The following VPS52 variants were observed in gnomAD, a reference collection of about 807,000 sequenced individuals.
VPS52 encodes the protein vacuolar protein sorting-associated protein 52 homolog.
VPS52 carries 56 observed loss-of-function variants against 98.7 expected under a neutral mutation model. The observed-to-expected ratio is 0.57, with a 90% CI of 0.46 to 0.71. VPS52 has a LOEUF of 0.71. Ranked by LOEUF, VPS52 falls within the 30% of genes least tolerant of loss-of-function variation. The probability of loss-of-function intolerance (pLI) is 0.00; values close to 1 mark genes in which losing one functional copy is unlikely to be tolerated. For synonymous variants in VPS52, 348 were observed against 346.4 expected (o/e 1.00, Z -0.05); for missense variants, 742 against 925.9 (o/e 0.80, Z 2.58).
chr6:33,267,038 G>T lies in VPS52; in HGVS notation c.1125+150C>A. ...GGTTCCCAGCTCTTTTCACATCACAGCAGGCTGGAGTGATTGGAGAAGGCC... is the reference window on the plus strand; with the variant it reads ...GGTTCCCAGCTCTTTTCACATCACATCAGGCTGGAGTGATTGGAGAAGGCC... On this transcript the variant is annotated intron_variant, in intron 11 of 19. Transcript: ENST00000445902. The surrounding 1 kb of genome is among the most constrained non-coding windows in gnomAD (Gnocchi z 4.2). 1 of 1,143,794 alleles carries T rather than the reference G, an allele frequency of 8.7e-7. No homozygotes were observed. Among genetic ancestry groups the T allele is most frequent in the Non-Finnish European group, 1.2e-6 (1 of 846,826 alleles). The allele number at this position is 1,143,794 out of a possible 1,614,324, so 70.9% of individuals were successfully genotyped here. A position where few individuals can be genotyped will look rare whatever the true frequency, so the allele number is the denominator to read the frequency against.
At position 33,271,726 on chromosome 6, in the gene VPS52, C is replaced by T. The variant is rs773886797; in HGVS notation, c.-51G>A. The T allele has an allele frequency of 2.6e-6, 4 of 1,557,320 alleles. No individual in the cohort carries two copies. Among genetic ancestry groups the T allele is most frequent in the Non-Finnish European group, 3.5e-6 (4 of 1,149,874 alleles). On this transcript the variant is annotated 5_prime_UTR_variant, in exon 1 of 20. Transcript: ENST00000445902. The stretch of plus-strand genomic sequence containing the variant: ...TGTCAGTCCCGGCGAGTCCGTTCCC[C>T]GGAGTGGAGCTACAAGTCCCAAAGG...
intron 1 of VPS52, among the ~76,000 whole-genome samples, 153 bp from the exon 2 acceptor site, chr6:33,270,436 C>T (rs936264364): frequency 1.3e-5 from 2 of 152,178 alleles, no homozygotes; most frequent in African/African-American, 4.8e-5. Flanking sequence ...TCACGTTGTA[C>T]CCACTCTCCT....
Position 33,264,678 on chromosome 6 carries a change from A to G in VPS52, c.1400+104T>C, listed in dbSNP as rs562799685. 57 of 1,409,086 alleles carry G rather than the reference A, an allele frequency of 4.0e-5. No homozygotes were observed. The South Asian group carries it at 5.8e-4, about 14-fold the overall frequency. 87.3% of individuals were successfully genotyped at this position (1,409,086 alleles called of 1,614,324 possible). A position where few individuals can be genotyped will look rare whatever the true frequency, so the allele number is the denominator to read the frequency against. On this transcript the variant is annotated intron_variant, in intron 13 of 19. Transcript: ENST00000445902. ...CTCCGGAGCAAATGAATGGGAATAA[A>G]GGTTGATGATACCAGGTCAGTAGGA...
intron 12 of VPS52, among the ~76,000 whole-genome samples, chr6:33,266,011 C>T (rs1029048757): frequency 3.9e-5 from 6 of 151,946 alleles, no homozygotes; most frequent in Non-Finnish European, 7.4e-5. Flanking sequence ...GGATTACAGG[C>T]CGCGCACACC....
chr6:33,271,590 G>C lies in VPS52; in HGVS notation c.86C>G (p.Pro29Arg). Residue 29 changes from proline (P) to arginine (R), a missense_variant, in exon 1 of 20, where the codon CCG (proline) becomes CGG (arginine). Around this residue, in one of 2 missense-constraint regions of VPS52, gnomAD observed 152 missense variants for 132.6 expected, o/e 1.15. Coordinates refer to ENST00000445902, the MANE Select transcript of VPS52 (RefSeq NM_022553.6). The part of the protein sequence containing the change: ...GTSDMEEEEG[P>R]LAGGPGLQEP... ...GAAACAGCTCCGCGCTCTCACCAGC[G>C]GGCCCTCTTCCTCCTCCATATCTGA... 1 of 1,605,496 alleles carries C rather than the reference G, an allele frequency of 6.2e-7. No homozygotes were observed.
At chr6:33,259,208 C>A (rs2150816547) in intron 17 of VPS52, among the ~76,000 whole-genome samples, 1 of 152,286 alleles carries the variant, frequency 6.6e-6, no homozygotes, top group South Asian at 2.1e-4. Context: ...ACATTGTGGA[C>A]TTCCTGAGTA....
chr6:33,258,425 C>T (rs1482408631), intron 17 of VPS52, among the ~76,000 whole-genome samples: 1 of 138,042 alleles, frequency 7.2e-6, no homozygotes, highest in African/African-American at 2.7e-5. Context: ...TTCTTGAGCC[C>T]AGGAGCCTGG....
At chr6:33,252,605 A>C (rs1374465988) in intron 17 of VPS52, among the ~76,000 whole-genome samples, 4 of 151,848 alleles carry the variant, frequency 2.6e-5, no homozygotes, top group Admixed American at 6.6e-5. Flanking sequence ...AAAAAAAAAA[A>C]AAAAGGATGT....
intron 17 of VPS52, among the ~76,000 whole-genome samples, chr6:33,252,319 T>C (rs934484056): frequency 6.6e-6 from 1 of 152,222 alleles, no homozygotes; most frequent in Non-Finnish European, 1.5e-5. Context: ...CCGGGCACAG[T>C]GGCTCACGCC....
rs9280385 is a variant in VPS52 at position 33,256,463 on chromosome 6, CAAAAAAAAAAAAAAAAA to C, written c.1795-4509_1795-4493del. On this transcript the variant is annotated intron_variant, in intron 17 of 19. Coordinates refer to ENST00000445902, the MANE Select transcript of VPS52 (RefSeq NM_022553.6). Reference sequence around the variant, plus strand: ...CTGAGTGACAGAGCAAAACCTGTCTCAAAAAAAAAAAAAAAAAAAAAAAAAAAAAAAAAAAAAAAAGG... The same window carrying C: ...CTGAGTGACAGAGCAAAACCTGTCTCAAAAAAAAAAAAAAAAAAAAAAAGG... Among the ~76,000 whole-genome samples the C allele has an allele frequency of 2.7e-3, 229 of 83,694 alleles. 1 individual carries two copies. The highest frequency in any genetic ancestry group is 7.4e-3 in the African/African-American group (138 of 18,708). 54.9% of individuals were successfully genotyped at this position (83,694 alleles called of 152,430 possible).
chr6:33,258,538 T>C (rs1471317346), intron 17 of VPS52, among the ~76,000 whole-genome samples: 10 of 151,852 alleles, frequency 6.6e-5, no homozygotes, highest in East Asian at 3.9e-4. Flanking sequence ...AAGATTAGTA[T>C]GTAGATGATG....
At chr6:33,251,171 A>G (rs1762184860) in intron 19 of VPS52, among the ~76,000 whole-genome samples, 184 bp from the exon 20 acceptor site, 2 of 152,012 alleles carry the variant, frequency 1.3e-5, no homozygotes, top group Non-Finnish European at 1.5e-5. Flanking sequence ...GTGAAACCCC[A>G]TCTCTACTAC....
At chr6:33,266,158 C>T (rs1186758516) in intron 12 of VPS52, among the ~76,000 whole-genome samples, 1 of 139,096 alleles carries the variant, frequency 7.2e-6, no homozygotes, top group Non-Finnish European at 1.5e-5. Flanking sequence ...CTGCACCTGG[C>T]TATTTTTTTT....
In VPS52 at chr6:33,268,944, T is replaced by C; in HGVS notation, c.548+70A>G. ...ACCTGGAGCCAGGAGACCCATATGG[T>C]AAATAGGGTGGGTCACCCCAGCCCA... On this transcript the variant is annotated intron_variant, in intron 6 of 19. Coordinates refer to ENST00000445902, the MANE Select transcript of VPS52 (RefSeq NM_022553.6). The surrounding 1 kb of genome is among the most constrained non-coding windows in gnomAD (Gnocchi z 4.0). The C allele has an allele frequency of 6.4e-7, 1 of 1,567,856 alleles. No individual in the cohort carries two copies. The highest frequency in any genetic ancestry group is 8.7e-7 in the Non-Finnish European group (1 of 1,155,168).
At position 33,251,532 on chromosome 6, in the gene VPS52, TGC is replaced by T; in HGVS notation, c.2009_2010del (p.Gly670AspfsTer35). 1 of 1,611,422 alleles carries T rather than the reference TGC, an allele frequency of 6.2e-7. No homozygotes were observed. Among genetic ancestry groups the T allele is most frequent in the Non-Finnish European group, 8.5e-7 (1 of 1,177,896 alleles). Reference sequence around the variant, plus strand: ...TTGCAGGTCACCTGAATGATACTGGTGCCATTTCTGAAGTTGGTGAAACTCCG... The same window carrying T: ...TTGCAGGTCACCTGAATGATACTGGTCATTTCTGAAGTTGGTGAAACTCCG... ...VMRSFTNFRN[G>X]TSIIQGALTQ... is the part of the protein sequence containing the mutation. On this transcript the variant is annotated frameshift_variant, in exon 19 of 20. Transcript: ENST00000445902. LOFTEE classifies it high-confidence loss of function.
rs1208841395 is a variant in VPS52, at chr6:33,268,438, A to G, written c.699+61T>C. 3 of 1,534,794 alleles carry G rather than the reference A, an allele frequency of 2.0e-6. No homozygotes were observed. Among genetic ancestry groups the G allele is most frequent in the Non-Finnish European group, 2.6e-6 (3 of 1,138,956 alleles). ...AGTGAGCTCTGCCAAGGAAATCCAT[A>G]GTGAAGATCTTGGGAAGGCTGCTTC... On this transcript the variant is annotated intron_variant, in intron 7 of 19. Coordinates refer to ENST00000445902, the MANE Select transcript of VPS52 (RefSeq NM_022553.6). The surrounding 1 kb of genome is among the most constrained non-coding windows in gnomAD (Gnocchi z 4.0).
intron 11 of VPS52, 89 bp from the exon 12 acceptor site, chr6:33,266,801 G>C (rs1281345839): frequency 1.3e-6 from 2 of 1,486,154 alleles, no homozygotes; most frequent in Non-Finnish European, 1.8e-6. Context: ...CAGTAAACCT[G>C]AGTAATAAGA....
rs115780604 is a variant in VPS52 at position 33,268,015 on chromosome 6, T to G, written c.801-18A>C. 1 of 1,613,002 alleles carries G rather than the reference T, an allele frequency of 6.2e-7. No homozygotes were observed. Among genetic ancestry groups the G allele is most frequent in the Non-Finnish European group, 8.5e-7 (1 of 1,180,008 alleles). ...AGAAGAACCTAGGGGGTCAGGAACA[T>G]GTCAGTCTACCTGTCTCCCAAGAAA... On this transcript the variant is annotated intron_variant, in intron 8 of 19. Coordinates refer to ENST00000445902, the MANE Select transcript of VPS52 (RefSeq NM_022553.6). This position sits in a 1 kb window ranked among gnomAD's most constrained non-coding sequence, Gnocchi z 4.0.
intron 18 of VPS52, 78 bp downstream of exon 18, chr6:33,251,782 C>A: frequency 6.7e-7 from 1 of 1,490,722 alleles, no homozygotes; most frequent in Non-Finnish European, 9.4e-7. Context: ...ATTCCCCCAC[C>A]ATGTAATCTG....
Sources: gnomAD v4.1 joint callset for allele counts (sites outside exome capture counted in the v4.1 genomes callset) on GRCh38, gnomAD v4.1.1 for gene constraint, gnomAD v4.1.1 regional missense constraint, Gnocchi (gnomAD v3.1) non-coding constraint, MANE v1.5 for transcripts, NCBI Gene and HGNC (gene_info 2026-07-23, HGNC 2026-07-21) for gene names.